Variants in SF3B1 observed in about 807,000 individuals in gnomAD.
SF3B1 encodes the protein pre-mRNA processing 10.
A neutral mutation model predicts 153.8 loss-of-function variants in SF3B1; 12 were observed. That is an observed-to-expected ratio of 0.08 (90% CI 0.05 to 0.13). SF3B1 has a LOEUF of 0.13. SF3B1 is among the 10% of genes least tolerant of loss of function. SF3B1 has a pLI of 1.00. For missense variants in SF3B1, 513 were observed against 1,606.1 expected (o/e 0.32, Z 11.63); for synonymous variants, 498 against 525.2 (o/e 0.95, Z 0.71).
chr2:197,414,319 A>C lies in SF3B1; in HGVS notation c.666+2422T>G, dbSNP rs555479604. On this transcript the variant is annotated intron_variant, in intron 6 of 24. Coordinates refer to ENST00000335508, the MANE Select transcript of SF3B1 (RefSeq NM_012433.4). ...GATTTGTAAGTTTGGCAGCTATCTT[A>C]TACAAACGGTACATAAAGACAAGAA... is the stretch of plus-strand genomic sequence containing the variant. Among the ~76,000 whole-genome samples, 14 of 152,368 alleles carry C rather than the reference A, an allele frequency of 9.2e-5. No individual in the cohort carries two copies. In the South Asian group the frequency reaches 2.9e-3, roughly 32 times the overall value.
rs1225674046 is a variant in SF3B1 at position 197,424,824 on chromosome 2, C to T, written c.29-850G>A. 2.6e-5 allele frequency among the ~76,000 whole-genome samples: 4 copies of T among 152,202 alleles called. No individual in the cohort carries two copies. In the South Asian group the frequency reaches 8.3e-4, roughly 31 times the overall value. Reference sequence around the variant, plus strand: ...AAATAGCTGTTTAAATTCTTGCCAGCCCATGCTGAATTAAGCCCTTTGACA... The same window carrying T: ...AAATAGCTGTTTAAATTCTTGCCAGTCCATGCTGAATTAAGCCCTTTGACA... On this transcript the variant is annotated intron_variant, in intron 1 of 24. Coordinates refer to ENST00000335508, the MANE Select transcript of SF3B1 (RefSeq NM_012433.4).
Position 197,391,455 on chromosome 2 carries a change from A to T in SF3B1, c.*848T>A, listed in dbSNP as rs775511293. 7.2e-5 allele frequency: 11 copies of T among 152,220 alleles called. No homozygotes were observed. Among genetic ancestry groups the T allele is most frequent in the Non-Finnish European group, 1.5e-4 (10 of 68,042 alleles). 9.4% of individuals were successfully genotyped at this position (152,220 alleles called of 1,614,324 possible). A position where few individuals can be genotyped will look rare whatever the true frequency, so the allele number is the denominator to read the frequency against. ...TGGGTGAATAGGTATTTACTGATGC[A>T]TTGCTGAGTAGTGGCTTATAACATG... On this transcript the variant is annotated 3_prime_UTR_variant, in exon 25 of 25. Coordinates refer to ENST00000335508, the MANE Select transcript of SF3B1 (RefSeq NM_012433.4).
chr2:197,396,920 T>C (rs577401913), intron 22 of SF3B1, among the ~76,000 whole-genome samples: 15 of 152,280 alleles, frequency 9.9e-5, no homozygotes, highest in Admixed American at 1.3e-4. Flanking sequence ...GCTACCAAAA[T>C]AGGAGAGGAA....
At chr2:197,423,259 C>A (rs529497274) in intron 2 of SF3B1, among the ~76,000 whole-genome samples, 10 of 151,666 alleles carry the variant, frequency 6.6e-5, no homozygotes, top group African/African-American at 2.2e-4. Context: ...TGGTAGCAGG[C>A]GCCTGTAATC....
At chr2:197,418,234 C>CAAAAGAAAAAAAAAAA (rs2085183315) in intron 5 of SF3B1, among the ~76,000 whole-genome samples, 1 of 36,366 alleles carries the variant, frequency 2.7e-5, no homozygotes, top group Non-Finnish European at 5.5e-5. Context: ...AGACTGTGTC[C>CAAAAGAAAAAAAAAAA]AAAAAAAAAA....
chr2:197,404,994 C>T (rs1311155751), intron 11 of SF3B1, 82 bp downstream of exon 11: 2 of 950,482 alleles, frequency 2.1e-6, no homozygotes, highest in African/African-American at 3.3e-5. Flanking sequence ...CATGGCAAAA[C>T]CCTGTCTCTA....
At chr2:197,394,459 A>T (rs867122582) in intron 23 of SF3B1, among the ~76,000 whole-genome samples, 2 of 152,226 alleles carry the variant, frequency 1.3e-5, no homozygotes, top group South Asian at 2.1e-4. Flanking sequence ...GGAACAAAAG[A>T]TCAATAATTT....
chr2:197,430,297 T>C (rs894468461), intron 1 of SF3B1, among the ~76,000 whole-genome samples: 2 of 152,178 alleles, frequency 1.3e-5, no homozygotes, highest in Admixed American at 1.3e-4. Flanking sequence ...CATACTGAAA[T>C]ATTTATGGAT....
chr2:197,414,939 G>A (rs1261523683), intron 6 of SF3B1, among the ~76,000 whole-genome samples: 2 of 152,032 alleles, frequency 1.3e-5, no homozygotes, highest in Non-Finnish European at 2.9e-5. Flanking sequence ...AGGAGGTGGA[G>A]GCTGCAGTGA....
chr2:197,412,741 T>C (rs1559270942), intron 6 of SF3B1, among the ~76,000 whole-genome samples: 1 of 150,488 alleles, frequency 6.6e-6, no homozygotes, highest in Admixed American at 6.6e-5. Context: ...TCCCAGCACC[T>C]TGGGAGGCCA....
intron 22 of SF3B1, among the ~76,000 whole-genome samples, chr2:197,396,672 C>CT (rs2084877807): frequency 6.6e-6 from 1 of 152,190 alleles, no homozygotes; most frequent in Admixed American, 6.5e-5. Context: ...GAGTAATTCT[C>CT]TGAGTTGTCA....
intron 21 of SF3B1, 33 bp downstream of exon 21, chr2:197,398,428 C>A (rs2084900615): frequency 6.2e-7 from 1 of 1,609,132 alleles, no homozygotes; most frequent in East Asian, 2.2e-5. Context: ...AAAATTGATA[C>A]TGCTTATAAA....
rs748106012 is a variant in SF3B1, at chr2:197,408,586, A to G, written c.905-5T>C. ...CACTTCCATGCCCAGGAGTATCTTT[A>G]AAAAGAAAGAGTGAGTAAAACCACA... On this transcript the variant is annotated splice_region_variant and splice_polypyrimidine_tract_variant and intron_variant, in intron 7 of 24. Transcript: ENST00000335508. 4 of 1,601,516 alleles carry G rather than the reference A, an allele frequency of 2.5e-6. No homozygotes were observed. The highest frequency in any genetic ancestry group is 3.4e-6 in the Non-Finnish European group (4 of 1,170,422).
At chr2:197,425,422 C>T (rs191125371) in intron 1 of SF3B1, among the ~76,000 whole-genome samples, 9 of 152,252 alleles carry the variant, frequency 5.9e-5, no homozygotes, top group African/African-American at 2.2e-4. Flanking sequence ...GTCGAGATCA[C>T]GCCATTGCAC....
intron 1 of SF3B1, among the ~76,000 whole-genome samples, chr2:197,424,522 T>C (rs2085301239): frequency 6.8e-6 from 1 of 146,878 alleles, no homozygotes. Context: ...CGTGACAAAA[T>C]ATCATCTAAC....
At chr2:197,424,882 G>A (rs1220615495) in intron 1 of SF3B1, among the ~76,000 whole-genome samples, 5 of 152,210 alleles carry the variant, frequency 3.3e-5, no homozygotes, top group Admixed American at 6.5e-5. Flanking sequence ...CTTGCTGGCC[G>A]GGCGCGGTGG....
At chr2:197,405,244 T>G in intron 10 of SF3B1, 31 bp downstream of exon 10, 3 of 1,596,856 alleles carry the variant, frequency 1.9e-6, no homozygotes, top group Non-Finnish European at 2.6e-6. Context: ...TGGAACACAA[T>G]TAATAGTTTA....
chr2:197,413,696 A>T (rs1574540285), intron 6 of SF3B1, among the ~76,000 whole-genome samples: 1 of 152,212 alleles, frequency 6.6e-6, no homozygotes, highest in Non-Finnish European at 1.5e-5. Context: ...CTAGCTCTTT[A>T]ATATATTTAA....
Position 197,402,395 on chromosome 2 carries a change from T to G in SF3B1, c.2077+161A>C. 1 of 714,750 alleles carries G rather than the reference T, an allele frequency of 1.4e-6. No homozygotes were observed. Among genetic ancestry groups the G allele is most frequent in the East Asian group, 2.7e-5 (1 of 36,990 alleles). 44.3% of individuals were successfully genotyped at this position (714,750 alleles called of 1,614,324 possible). On this transcript the variant is annotated intron_variant, in intron 14 of 24. Transcript: ENST00000335508. The surrounding 1 kb of genome is among the most constrained non-coding windows in gnomAD (Gnocchi z 4.6). Reference sequence around the variant, plus strand: ...CCAAATTTTAGGACAGCTGTCCTATTAAACATGGACAGGCTGTGTGTGTAC... The same window carrying G: ...CCAAATTTTAGGACAGCTGTCCTATGAAACATGGACAGGCTGTGTGTGTAC...
Sources: allele counts gnomAD v4.1 joint callset (sites outside exome capture counted in the v4.1 genomes callset), GRCh38; gene constraint gnomAD v4.1.1; non-coding constraint Gnocchi (gnomAD v3.1); transcripts MANE v1.5; gene names NCBI Gene and HGNC (gene_info 2026-07-23, HGNC 2026-07-21).